The following NAA30 variants were observed in gnomAD, a reference collection of about 807,000 sequenced individuals.
NAA30 encodes N-alpha-acetyltransferase 30, NatC catalytic subunit.
In NAA30, 5 loss-of-function variants were observed where a neutral mutation model predicts 31.4. That is an observed-to-expected ratio of 0.16 (90% confidence interval 0.08 to 0.33). NAA30 has a LOEUF of 0.33. NAA30 is among the 10% of genes least tolerant of loss of function. The pLI, the probability that NAA30 is intolerant of heterozygous loss-of-function variation, is 1.00. For synonymous variants in NAA30, 222 were observed against 207.1 expected, an observed-to-expected ratio of 1.07 and a Z score of -0.62; for missense variants, 428 against 490.8, an observed-to-expected ratio of 0.87 and a Z score of 1.21.
In NAA30 at chr14:57,407,657, G is replaced by A. The variant is rs575067089; in HGVS notation, c.952-1722G>A. Among the ~76,000 whole-genome samples, 21 of 152,296 alleles carry A rather than the reference G, an allele frequency of 1.4e-4. 1 individual carries two copies. Among genetic ancestry groups the A allele is most frequent in the South Asian group, 6.2e-4 (3 of 4,822 alleles). On this transcript the variant is annotated intron_variant, in intron 4 of 4. Coordinates refer to ENST00000556492, the MANE Select transcript of NAA30 (RefSeq NM_001011713.3). ...GAGAGAGACCTAAAGCAAAGCTGAG[G>A]CCAATATATTGATGGACTTTTTATG...
rs560668463 is a variant in NAA30 at position 57,395,813 on chromosome 14, C to G, written c.772-939C>G. Reference sequence around the variant, plus strand: ...TAAAAATGAGACTATGCTACACTTACATATATTAACAAAAACCTCTTGGGT... The same window carrying G: ...TAAAAATGAGACTATGCTACACTTAGATATATTAACAAAAACCTCTTGGGT... On this transcript the variant is annotated intron_variant, in intron 2 of 4. Transcript: ENST00000556492. 1.3e-4 allele frequency among the ~76,000 whole-genome samples: 20 copies of G among 152,262 alleles called. No homozygotes were observed. In the East Asian group the frequency reaches 3.7e-3, roughly 28 times the overall value.
chr14:57,391,739 A>G lies in NAA30; in HGVS notation c.771+11A>G, dbSNP rs1343244585. The G allele has an allele frequency of 2.5e-6, 4 of 1,585,452 alleles. No homozygotes were observed. Among genetic ancestry groups the G allele is most frequent in the Non-Finnish European group, 2.6e-6 (3 of 1,164,700 alleles). ...CAGCTGTGCTTCTTGGTAAGTGGATAGAATAAAAAGAGGGTGAACCCAGCA... is the reference window on the plus strand; with the variant it reads ...CAGCTGTGCTTCTTGGTAAGTGGATGGAATAAAAAGAGGGTGAACCCAGCA... On this transcript the variant is annotated intron_variant, in intron 2 of 4. Coordinates refer to ENST00000556492, the MANE Select transcript of NAA30 (RefSeq NM_001011713.3). The surrounding 1 kb of genome is among the most constrained non-coding windows in gnomAD (Gnocchi z 4.1).
chr14:57,403,065 C>T (rs1013720677), intron 4 of NAA30, among the ~76,000 whole-genome samples: 2 of 152,138 alleles, frequency 1.3e-5, no homozygotes, highest in Non-Finnish European at 2.9e-5. Context: ...CCTATAGTCC[C>T]AGCTACTCGG....
At chr14:57,392,773 C>T (rs1023261003) in intron 2 of NAA30, among the ~76,000 whole-genome samples, 27 of 152,292 alleles carry the variant, frequency 1.8e-4, no homozygotes, top group African/African-American at 6.5e-4. Context: ...GGCTTAGTTT[C>T]ACTTGGTAAT....
rs1417926741 is a variant in NAA30 at position 57,413,888 on chromosome 14, C to G, written c.*4372C>G. The G allele has an allele frequency of 6.6e-6, 1 of 152,210 alleles. No individual in the cohort carries two copies. The highest frequency in any genetic ancestry group is 1.9e-4 in the East Asian group (1 of 5,198). 9.4% of individuals were successfully genotyped at this position (152,210 alleles called of 1,614,324 possible). A position where few individuals can be genotyped will look rare whatever the true frequency, so the allele number is the denominator to read the frequency against. On this transcript the variant is annotated 3_prime_UTR_variant, in exon 5 of 5. Transcript: ENST00000556492. ...ACACTTTAGATCACTACTGTCCAGT[C>G]ACACTTTATATAAGGATAGATGTGT...
chr14:57,412,127 A>C lies in NAA30; in HGVS notation c.*2611A>C, dbSNP rs1309398841. Reference sequence around the variant, plus strand: ...ATTTTTGATGTGTGGGCTGATTATAATTTCCTGTATTTCCTGTACATTGGG... The same window carrying C: ...ATTTTTGATGTGTGGGCTGATTATACTTTCCTGTATTTCCTGTACATTGGG... On this transcript the variant is annotated 3_prime_UTR_variant, in exon 5 of 5. Coordinates refer to ENST00000556492, the MANE Select transcript of NAA30 (RefSeq NM_001011713.3). 1 of 152,114 alleles carries C rather than the reference A, an allele frequency of 6.6e-6. No homozygotes were observed. Among genetic ancestry groups the C allele is most frequent in the Non-Finnish European group, 1.5e-5 (1 of 68,010 alleles). The allele number at this position is 152,114 out of a possible 1,614,324, so 9.4% of individuals were successfully genotyped here. A position where few individuals can be genotyped will look rare whatever the true frequency, so the allele number is the denominator to read the frequency against.
At chr14:57,396,721 T>C (rs1385314921) in intron 2 of NAA30, 31 bp from the exon 3 acceptor site, 1 of 1,612,842 alleles carries the variant, frequency 6.2e-7, no homozygotes, top group African/African-American at 1.3e-5. Context: ...GATGGCAATG[T>C]ATTCTTCATA....
At position 57,409,401 on chromosome 14, in the gene NAA30, CAAAT is replaced by C. The variant is rs770923060; in HGVS notation, c.977_980del (p.Asn326SerfsTer4). On this transcript the variant is annotated frameshift_variant, in exon 5 of 5. Coordinates refer to ENST00000556492, the MANE Select transcript of NAA30 (RefSeq NM_001011713.3). LOFTEE classifies it high-confidence loss of function. The stretch of plus-strand genomic sequence containing the variant: ...AAGGTTGTTTTGGAAACCGAAATAA[CAAAT>C]AAGTCCGCTTTGAAACTTTATGAAA... The C allele has an allele frequency of 6.2e-7, 1 of 1,603,118 alleles. No individual in the cohort carries two copies. Among genetic ancestry groups the C allele is most frequent in the Non-Finnish European group, 8.5e-7 (1 of 1,175,712 alleles).
intron 3 of NAA30, among the ~76,000 whole-genome samples, chr14:57,399,009 G>T (rs1485128043): frequency 6.6e-6 from 1 of 151,520 alleles, no homozygotes; most frequent in African/African-American, 2.4e-5. Flanking sequence ...TTACAGGCGT[G>T]AGCCACCACG....
chr14:57,392,378 A>C (rs145999110), intron 2 of NAA30, among the ~76,000 whole-genome samples: 1 of 152,242 alleles, frequency 6.6e-6, no homozygotes, highest in African/African-American at 2.4e-5. Flanking sequence ...TGTGGAATGT[A>C]GAAAACTTGT....
rs768661763 is a variant in NAA30, at chr14:57,391,145, C to T, written c.188C>T (p.Thr63Met). 2.5e-6 allele frequency: 4 copies of T among 1,588,532 alleles called. No homozygotes were observed. The highest frequency in any genetic ancestry group is 1.8e-5 in the Admixed American group (1 of 55,594). Residue 63 changes from threonine to methionine, a missense_variant, in exon 2 of 5, where the codon ACG becomes ATG. By Grantham distance (81) the Thr-to-Met change is moderately conservative. This residue lies in a region of NAA30 where 349 missense variants were observed against 310.4 expected (regional missense o/e 1.12). Transcript: ENST00000556492. This position sits in a 1 kb window ranked among gnomAD's most constrained non-coding sequence, Gnocchi z 4.1. The part of the protein sequence containing the change: ...SRSPAGGESA[T>M]VAAKGHPCLR... ...AGCCCGGCGGGCGGAGAGTCGGCGA[C>T]GGTGGCGGCCAAGGGGCATCCGTGC...
In NAA30 at chr14:57,391,605, C is replaced by A. The variant is rs1410454676; in HGVS notation, c.648C>A (p.Val216=). 2.5e-6 allele frequency: 4 copies of A among 1,614,222 alleles called. No homozygotes were observed. Among genetic ancestry groups the A allele is most frequent in the Non-Finnish European group, 2.5e-6 (3 of 1,180,044 alleles). Residue 216 remains valine (V), a synonymous_variant, in exon 2 of 5, where the codon GTC becomes GTA. Transcript: ENST00000556492. This position sits in a 1 kb window ranked among gnomAD's most constrained non-coding sequence, Gnocchi z 4.1. ...GGGAGGATCGGACGATACGATATGT[C>A]CGATATGAATCCGAGCTACAAATGC... ...EPGEDRTIRY[V]RYESELQMPD...
Position 57,396,758 on chromosome 14 carries a change from G to A in NAA30, c.778G>A (p.Val260Ile), listed in dbSNP as rs759697095. The part of the protein sequence containing the change: ...NWPQLCFLAM[V>I]GEECVGAIVC... ...CTGTTTGTTTATTTTTAAGGCCATG[G>A]TAGGGGAGGAGTGTGTAGGTGCCAT... Residue 260 changes from valine to isoleucine, a missense_variant, in exon 3 of 5, where the codon GTA (valine) becomes ATA (isoleucine). Coordinates refer to ENST00000556492, the MANE Select transcript of NAA30 (RefSeq NM_001011713.3). 2 of 1,613,976 alleles carry A rather than the reference G, an allele frequency of 1.2e-6. No individual in the cohort carries two copies. Among genetic ancestry groups the A allele is most frequent in the African/African-American group, 2.7e-5 (2 of 75,018 alleles).
chr14:57,411,971 G>A lies in NAA30; in HGVS notation c.*2455G>A, dbSNP rs952111476. 2.0e-5 allele frequency: 3 copies of A among 152,114 alleles called. No homozygotes were observed. The highest frequency in any genetic ancestry group is 6.5e-5 in the Admixed American group (1 of 15,278). 9.4% of individuals were successfully genotyped at this position (152,114 alleles called of 1,614,324 possible). On this transcript the variant is annotated 3_prime_UTR_variant, in exon 5 of 5. Coordinates refer to ENST00000556492, the MANE Select transcript of NAA30 (RefSeq NM_001011713.3). ...ATAGATGCAACTTTCTTTTAATGGG[G>A]TGCTGCCTCTTTAGGACTGACTGTA...
In NAA30 at chr14:57,415,101, CTGTA is replaced by C. The variant is rs1223976043; in HGVS notation, c.*5590_*5593del. 2.8e-4 allele frequency: 43 copies of C among 152,238 alleles called. No individual in the cohort carries two copies. The highest frequency in any genetic ancestry group is 4.1e-4 in the South Asian group (2 of 4,820). 9.4% of individuals were successfully genotyped at this position (152,238 alleles called of 1,614,324 possible). A position where few individuals can be genotyped will look rare whatever the true frequency, so the allele number is the denominator to read the frequency against. On this transcript the variant is annotated 3_prime_UTR_variant, in exon 5 of 5. Transcript: ENST00000556492. ...TTCTAATACCTCAGTTTCATGAGAA[CTGTA>C]TGTACATTTTTGTAAATAAAATAAT...
At chr14:57,397,604 T>A (rs1811269490) in intron 3 of NAA30, among the ~76,000 whole-genome samples, 1 of 152,166 alleles carries the variant, frequency 6.6e-6, no homozygotes, top group Admixed American at 6.5e-5. Context: ...AGATAACTTT[T>A]GTCATTTAAA....
At chr14:57,401,089 A>T (rs1211164184) in intron 4 of NAA30, among the ~76,000 whole-genome samples, 3 of 152,116 alleles carry the variant, frequency 2.0e-5, no homozygotes, top group African/African-American at 7.2e-5. Flanking sequence ...AAACACACCT[A>T]TGTGCAAATA....
rs551929052 is a variant in NAA30 at position 57,391,271 on chromosome 14, T to G, written c.314T>G (p.Val105Gly). The G allele has an allele frequency of 6.6e-5, 106 of 1,611,974 alleles. No individual in the cohort carries two copies. In the East Asian group the frequency reaches 2.3e-3, roughly 34 times the overall value. ...GCGGCCGCCTCCCTCAAGAGCAAGG[T>G]CCTGAGCGTAGCAGAGGTGGCCGCG... ...LRAAASLKSK[V>G]LSVAEVAATT... is the part of the protein sequence containing the mutation. The change falls in exon 2 of 5, where the codon GTC becomes GGC. Residue 105 changes from valine to glycine, a missense_variant. Physicochemically the swap from Val to Gly is moderately radical, Grantham distance 109 (BLOSUM62 -3). Coordinates refer to ENST00000556492, the MANE Select transcript of NAA30 (RefSeq NM_001011713.3). This position sits in a 1 kb window ranked among gnomAD's most constrained non-coding sequence, Gnocchi z 4.1.
intron 1 of NAA30, 104 bp downstream of exon 1, chr14:57,390,809 G>C: frequency 1.4e-6 from 1 of 722,190 alleles, no homozygotes; most frequent in Non-Finnish European, 2.0e-6. Context: ...AGAGCGGGGG[G>C]GTGGCGGGGA....
Sources: allele counts gnomAD v4.1 joint callset (sites outside exome capture counted in the v4.1 genomes callset), GRCh38; gene constraint gnomAD v4.1.1; regional missense constraint gnomAD v4.1.1; non-coding constraint Gnocchi (gnomAD v3.1); transcripts MANE v1.5; gene names NCBI Gene and HGNC (gene_info 2026-07-23, HGNC 2026-07-21).